The following ACSM3 variants were observed in gnomAD, a reference collection of about 807,000 sequenced individuals.
ACSM3 encodes the protein acyl-coenzyme A synthetase ACSM3, mitochondrial.
ACSM3 carries 61 observed loss-of-function variants against 74.1 expected under a neutral mutation model. The observed-to-expected ratio is 0.82, with a 90% confidence interval of 0.67 to 1.02. ACSM3 has a LOEUF of 1.02. Ranked by LOEUF, ACSM3 falls within the 50% of genes least tolerant of loss-of-function variation. The pLI is 0.00. For synonymous variants in ACSM3, 213 were observed against 241.5 expected (o/e 0.88, Z 1.09); for missense variants, 660 against 697.0 (o/e 0.95, Z 0.60).
At chr16:20,698,562 G>T (rs2079702707) in intron 1 of ACSM3, among the ~76,000 whole-genome samples, 1 of 152,144 alleles carries the variant, frequency 6.6e-6, no homozygotes, top group South Asian at 2.1e-4. Flanking sequence ...AGGCTGGAAT[G>T]CAATGGCATG....
intron 1 of ACSM3, among the ~76,000 whole-genome samples, chr16:20,706,611 T>G (rs1304458794): frequency 6.6e-6 from 1 of 152,156 alleles, no homozygotes; most frequent in Non-Finnish European, 1.5e-5. Flanking sequence ...TTGATGGTGG[T>G]CCTAACCCCA....
chr16:20,713,279 C>T (rs930927018), intron 1 of ACSM3, among the ~76,000 whole-genome samples: 4 of 152,036 alleles, frequency 2.6e-5, no homozygotes, highest in Middle Eastern at 3.2e-3. Flanking sequence ...GTAATTATAA[C>T]TGCAATCATT....
chr16:20,713,124 C>T (rs2079749544), intron 1 of ACSM3, among the ~76,000 whole-genome samples: 2 of 152,088 alleles, frequency 1.3e-5, no homozygotes, highest in South Asian at 2.1e-4. Context: ...GGATAAGTAA[C>T]ATTTGCTGAA....
intron 1 of ACSM3, chr16:20,738,643 A>C: frequency 2.2e-6 from 1 of 461,864 alleles, no homozygotes; most frequent in Non-Finnish European, 3.9e-6. Flanking sequence ...ATTTACACAG[A>C]ACTGGCACTC....
At chr16:20,736,864 A>T (rs2079873898) in intron 1 of ACSM3, 1 of 1,610,322 alleles carries the variant, frequency 6.2e-7, no homozygotes, top group East Asian at 2.2e-5. Flanking sequence ...ACCCACCTCC[A>T]ACACCAAATG....
At chr16:20,708,649 C>G (rs2079734460) in intron 1 of ACSM3, among the ~76,000 whole-genome samples, 1 of 152,150 alleles carries the variant, frequency 6.6e-6, no homozygotes, top group Non-Finnish European at 1.5e-5. Context: ...ATCCTGTGTT[C>G]ATGGATTGAA....
intron 1 of ACSM3, among the ~76,000 whole-genome samples, chr16:20,704,353 G>A (rs1164064838): frequency 7.2e-5 from 11 of 152,140 alleles, no homozygotes; most frequent in Non-Finnish European, 1.0e-4. Context: ...CCAGCCTCAC[G>A]AAAGCCAGAA....
chr16:20,690,814 G>A (rs1307127107), intron 1 of ACSM3, among the ~76,000 whole-genome samples: 1 of 152,122 alleles, frequency 6.6e-6, no homozygotes, highest in East Asian at 1.9e-4. Flanking sequence ...AAACCACTGA[G>A]GCTCAATGAA....
In ACSM3 at chr16:20,771,405, A is replaced by G. The variant is rs371491553; in HGVS notation, c.219+1152A>G. On this transcript the variant is annotated intron_variant, in intron 2 of 13. Coordinates refer to ENST00000289416, the MANE Select transcript of ACSM3 (RefSeq NM_005622.4). ...TTTTTTTTTTTTTTTTTTAAGAGAC[A>G]GGGTCTTACTTTGTTGCCCAGGCTG... Among the ~76,000 whole-genome samples the G allele has an allele frequency of 3.9e-3, 520 of 133,264 alleles. 3 individuals are homozygous for G. The highest frequency in any genetic ancestry group is 0.014 in the African/African-American group (479 of 34,918). 87.4% of individuals were successfully genotyped at this position (133,264 alleles called of 152,430 possible). A position where few individuals can be genotyped will look rare whatever the true frequency, so the allele number is the denominator to read the frequency against.
chr16:20,768,447 ATG>A (rs2080151910), intron 1 of ACSM3, among the ~76,000 whole-genome samples: 1 of 152,218 alleles, frequency 6.6e-6, no homozygotes, highest in Admixed American at 6.5e-5. Context: ...GGGCCTGAGA[ATG>A]TGCATTTCTA....
intron 1 of ACSM3, among the ~76,000 whole-genome samples, chr16:20,742,813 A>ATATATATTTTT (rs61582869): frequency 9.0e-5 from 6 of 66,820 alleles, no homozygotes; most frequent in South Asian, 4.4e-4. Flanking sequence ...ATATATATAT[A>ATATATATTTTT]TTTTTTTTTT....
At chr16:20,759,718 G>A (rs1050105658), upstream of ACSM3, among the ~76,000 whole-genome samples, 2 of 152,082 alleles carry the variant, frequency 1.3e-5, no homozygotes, top group Admixed American at 6.6e-5. Context: ...CTGTTCATCT[G>A]TATCCTTTGT....
At chr16:20,737,715 TTC>T in intron 1 of ACSM3, 1 of 1,605,670 alleles carries the variant, frequency 6.2e-7, no homozygotes, top group Non-Finnish European at 8.5e-7. Context: ...TACCTGCCAA[TTC>T]TCTGATAACT....
At position 20,725,929 on chromosome 16, in the gene ACSM3, C is replaced by T. The variant is rs1230651735; in HGVS notation, c.-189-23981C>T. On this transcript the variant is annotated intron_variant, in intron 1 of 3. Coordinates refer to the ACSM3 transcript ENST00000561584. ...TGGAGGTTGCAGTGAGCCAAGATCG[C>T]GCCACTGCACTTCCAGCCTGGGCAA... Among the ~76,000 whole-genome samples the T allele has an allele frequency of 4.6e-5, 7 of 152,048 alleles. No individual in the cohort carries two copies. The South Asian group carries it at 6.2e-4, about 14-fold the overall frequency.
At chr16:20,711,773 A>G in intron 1 of ACSM3, 1 of 367,214 alleles carries the variant, frequency 2.7e-6, no homozygotes, top group Admixed American at 3.8e-5. Context: ...ACTCAGGAAC[A>G]CTGTGAGTTG....
intron 3 of ACSM3, among the ~76,000 whole-genome samples, chr16:20,756,764 T>G (rs919456582): frequency 6.6e-6 from 1 of 152,234 alleles, no homozygotes; most frequent in African/African-American, 2.4e-5. Context: ...TTTTATGGGT[T>G]TAGGTCTAAC....
Position 20,783,636 on chromosome 16 carries a change from T to C in ACSM3, c.1020-1348T>C, listed in dbSNP as rs1345759779. On this transcript the variant is annotated intron_variant, in intron 7 of 13. Transcript: ENST00000289416. ...TGTTATTTAATTATCGAATAGGAAA[T>C]AATTCACCTGCCATAAAATTCAAAA... 2.0e-5 allele frequency: 3 copies of C among 152,126 alleles called. No individual in the cohort carries two copies. The East Asian group carries it at 5.8e-4, about 29-fold the overall frequency. 9.4% of individuals were successfully genotyped at this position (152,126 alleles called of 1,614,324 possible).
intron 7 of ACSM3, 53 bp from the exon 8 acceptor site, chr16:20,784,931 T>C (rs2080437671): frequency 6.4e-7 from 1 of 1,567,330 alleles, no homozygotes; most frequent in Non-Finnish European, 8.6e-7. Flanking sequence ...TCCTTAATCT[T>C]CACTTCTCTC....
intron 13 of ACSM3, 80 bp from the exon 14 acceptor site, chr16:20,796,806 C>T: frequency 6.3e-7 from 1 of 1,582,238 alleles, no homozygotes; most frequent in South Asian, 1.2e-5. Context: ...ACCTAGAATT[C>T]ATAATCAAAC....
Sources: allele counts gnomAD v4.1 joint callset (sites outside exome capture counted in the v4.1 genomes callset), GRCh38; gene constraint gnomAD v4.1.1; transcripts MANE v1.5; gene names NCBI Gene and HGNC (gene_info 2026-07-23, HGNC 2026-07-21).